Variants in ASTN2 observed in about 807,000 individuals in gnomAD.
ASTN2 encodes astrotactin 2, also known as astrotactin-2.
A neutral mutation model predicts 139.8 loss-of-function variants in ASTN2; 54 were observed. The ratio of observed to expected loss-of-function variants is 0.39; its 90% CI spans 0.31 to 0.48. ASTN2 has a LOEUF of 0.48. Ranked by LOEUF, ASTN2 falls within the 20% of genes least tolerant of loss-of-function variation. The pLI, the probability that ASTN2 is intolerant of heterozygous loss-of-function variation, is 0.95. For missense variants in ASTN2, 1,565 were observed against 1,725.1 expected, an observed-to-expected ratio of 0.91 and a Z score of 1.64; for synonymous variants, 756 against 719.5, an observed-to-expected ratio of 1.05 and a Z score of -0.81.
At chr9:116,994,047 G>A (rs73517419) in intron 7 of ASTN2, among the ~76,000 whole-genome samples, 22,965 of 151,566 alleles carry the variant, frequency 0.15, 2,162 homozygotes, top group African/African-American at 0.26. Context: ...TGAACGTTCA[G>A]TGAACAAATA....
chr9:116,697,436 A>T lies in ASTN2; in HGVS notation c.2806+28335T>A, dbSNP rs1860918663. On this transcript the variant is annotated intron_variant, in intron 16 of 22. Transcript: ENST00000313400. ...ATTCCTTATGGTCATGCAGCTAAGT[A>T]AGTGTCTGAGACTACAGAATCTGAA... 1.3e-5 allele frequency: 5 copies of T among 372,992 alleles called. 1 individual carries two copies. The highest frequency in any genetic ancestry group is 1.1e-4 in the South Asian group (4 of 36,324). 23.1% of individuals were successfully genotyped at this position (372,992 alleles called of 1,614,324 possible).
intron 19 of ASTN2, among the ~76,000 whole-genome samples, chr9:116,590,580 C>A (rs1161567614): frequency 6.6e-6 from 1 of 152,208 alleles, no homozygotes; most frequent in African/African-American, 2.4e-5. Context: ...TGGAAAGGGG[C>A]AGGTCCCCAG....
chr9:117,342,395 T>A (rs937330926), intron 1 of ASTN2, among the ~76,000 whole-genome samples: 2 of 152,228 alleles, frequency 1.3e-5, no homozygotes, highest in African/African-American at 4.8e-5. Flanking sequence ...GTGGCAAGGC[T>A]GGTGAAAAGT....
chr9:117,344,740 G>A (rs775637685), intron 1 of ASTN2, among the ~76,000 whole-genome samples: 3 of 152,102 alleles, frequency 2.0e-5, no homozygotes, highest in Admixed American at 6.6e-5. Flanking sequence ...ATGAACACGG[G>A]TTTCAACTCT....
intron 22 of ASTN2, among the ~76,000 whole-genome samples, chr9:116,435,178 T>C (rs1847612652): frequency 6.6e-6 from 1 of 152,162 alleles, no homozygotes; most frequent in African/African-American, 2.4e-5. Flanking sequence ...GAAGAGACTT[T>C]GGAGTTCAGC....
Position 116,651,648 on chromosome 9 carries a change from T to A in ASTN2, c.2952A>T (p.Pro984=). 3 of 1,614,132 alleles carry A rather than the reference T, an allele frequency of 1.9e-6. No individual in the cohort carries two copies. Among genetic ancestry groups the A allele is most frequent in the Non-Finnish European group, 2.5e-6 (3 of 1,180,022 alleles). ...GCCGGCGGCAAAGGTGACAGGTAGA[T>A]GGACAGCGCCCCTTCTCCTCACAGC... ...EIRCEEKGRC[P]STCHLCRRPG... is the part of the protein sequence containing the mutation. The change falls in exon 17 of 23, where the codon CCA becomes CCT. Residue 984 remains proline, a synonymous_variant. Transcript: ENST00000313400.
chr9:116,511,343 G>C (rs1850368758), intron 19 of ASTN2, among the ~76,000 whole-genome samples: 1 of 152,146 alleles, frequency 6.6e-6, no homozygotes, highest in African/African-American at 2.4e-5. Flanking sequence ...TTGCATCCCA[G>C]GGATGAAGCC....
chr9:116,659,860 A>C (rs1197916245), intron 16 of ASTN2, among the ~76,000 whole-genome samples: 1 of 152,146 alleles, frequency 6.6e-6, no homozygotes, highest in Non-Finnish European at 1.5e-5. Context: ...TCTAGGCCTC[A>C]AGTTCCATTG....
chr9:116,704,682 C>T (rs545359465), intron 16 of ASTN2, among the ~76,000 whole-genome samples: 93 of 152,254 alleles, frequency 6.1e-4, no homozygotes, highest in African/African-American at 2.1e-3. Context: ...TTCAGCACTT[C>T]TTGGCCTCTT....
intron 11 of ASTN2, among the ~76,000 whole-genome samples, chr9:116,827,063 A>G (rs1831651245): frequency 6.6e-6 from 1 of 152,246 alleles, no homozygotes; most frequent in Non-Finnish European, 1.5e-5. Flanking sequence ...TAATCCCAGC[A>G]CTTTGGGAGG....
intron 20 of ASTN2, among the ~76,000 whole-genome samples, chr9:116,486,617 C>G (rs1849346285): frequency 6.6e-6 from 1 of 152,120 alleles, no homozygotes; most frequent in Non-Finnish European, 1.5e-5. Context: ...GGGAGGTGAG[C>G]TATCATTCCA....
chr9:116,517,327 T>C (rs1012195273), intron 19 of ASTN2, among the ~76,000 whole-genome samples: 2 of 152,176 alleles, frequency 1.3e-5, no homozygotes, highest in Non-Finnish European at 2.9e-5. Context: ...TGAAGACAGA[T>C]AACATTACAG....
chr9:116,990,357 CTTGGGTTCAAGCGATT>C, intron 7 of ASTN2, among the ~76,000 whole-genome samples: 1 of 29,084 alleles, frequency 3.4e-5, no homozygotes, highest in East Asian at 2.5e-3. Context: ...ACCTCTGCCT[CTTGGGTTCAAGCGATT>C]CTCCTGCCTC....
intron 10 of ASTN2, among the ~76,000 whole-genome samples, chr9:116,882,708 T>A (rs1469371214): frequency 6.6e-6 from 1 of 152,094 alleles, no homozygotes; most frequent in Non-Finnish European, 1.5e-5. Context: ...ACTCCTATGA[T>A]CCCAGCACTC....
chr9:117,331,928 C>G (rs970396234), intron 1 of ASTN2, among the ~76,000 whole-genome samples: 3 of 152,030 alleles, frequency 2.0e-5, no homozygotes, highest in African/African-American at 7.2e-5. Context: ...CCATTCATAC[C>G]CCATTTAATT....
chr9:116,619,999 C>T (rs1312527921), intron 18 of ASTN2, among the ~76,000 whole-genome samples: 1 of 151,916 alleles, frequency 6.6e-6, no homozygotes, highest in Non-Finnish European at 1.5e-5. Flanking sequence ...CCCCATTGCC[C>T]AACACAAGAC....
At chr9:116,750,241 C>G (rs1829360894) in intron 13 of ASTN2, among the ~76,000 whole-genome samples, 2 of 152,176 alleles carry the variant, frequency 1.3e-5, no homozygotes, top group Non-Finnish European at 2.9e-5. Flanking sequence ...GACACAGCAT[C>G]AATTCATTTG....
intron 10 of ASTN2, among the ~76,000 whole-genome samples, chr9:116,921,499 A>T (rs1164480014): frequency 6.6e-6 from 1 of 151,432 alleles, no homozygotes; most frequent in Non-Finnish European, 1.5e-5. Flanking sequence ...GAGGCAGGAG[A>T]ATGGTGTGAA....
chr9:116,727,802 G>A (rs1292753939), intron 15 of ASTN2, among the ~76,000 whole-genome samples: 1 of 152,140 alleles, frequency 6.6e-6, no homozygotes, highest in Non-Finnish European at 1.5e-5. Flanking sequence ...CTAACCCTCA[G>A]TATACTTATC....
Sources: gnomAD v4.1 joint callset for allele counts (sites outside exome capture counted in the v4.1 genomes callset) on GRCh38, gnomAD v4.1.1 for gene constraint, MANE v1.5 for transcripts, NCBI Gene and HGNC (gene_info 2026-07-23, HGNC 2026-07-21) for gene names.